Variants in LOC122539214 observed in about 807,000 individuals in gnomAD.
At chr19:52,662,413 G>A in the LOC122539214 span, among the ~76,000 whole-genome samples, 4 of 152,276 alleles carry the variant, frequency 2.6e-5, no homozygotes, top group Non-Finnish European at 4.4e-5. Context: ...AGAGCTCAGG[G>A]GAGAGGCCTG....
At chr19:52,665,600 A>G in the LOC122539214 span, among the ~76,000 whole-genome samples, 1 of 152,102 alleles carries the variant, frequency 6.6e-6, no homozygotes, top group Non-Finnish European at 1.5e-5. Flanking sequence ...CTCATAAAGC[A>G]ACCTTTTTTA....
the LOC122539214 span, among the ~76,000 whole-genome samples, chr19:52,671,630 G>A: frequency 1.3e-5 from 2 of 151,950 alleles, no homozygotes; most frequent in Non-Finnish European, 2.9e-5. Flanking sequence ...CTTTGTAGAG[G>A]GGTGGTCCCA....
the LOC122539214 span, among the ~76,000 whole-genome samples, chr19:52,680,718 T>C: frequency 4.3e-5 from 6 of 140,058 alleles, no homozygotes; most frequent in South Asian, 2.3e-4. Flanking sequence ...GTTCACGCCA[T>C]TCTCCTGCCT....
At chr19:52,678,713 C>A in the LOC122539214 span, among the ~76,000 whole-genome samples, 1,278 of 152,094 alleles carry the variant, frequency 8.4e-3, 21 homozygotes, top group Non-Finnish European at 0.013. Context: ...ATGGCTCATG[C>A]CTGTAATCCC....
the LOC122539214 span, among the ~76,000 whole-genome samples, chr19:52,656,208 GTCTC>G: frequency 9.7e-5 from 14 of 144,350 alleles, no homozygotes; most frequent in East Asian, 4.2e-4. Flanking sequence ...GTGAGACTCC[GTCTC>G]TCTCTCTCTC....
the LOC122539214 span, among the ~76,000 whole-genome samples, chr19:52,664,255 G>C: frequency 6.6e-6 from 1 of 151,790 alleles, no homozygotes; most frequent in East Asian, 1.9e-4. Flanking sequence ...CAAGACTTTG[G>C]GAGGCCGATG....
At chr19:52,676,536 TGGGA>T in the LOC122539214 span, among the ~76,000 whole-genome samples, 2 of 144,956 alleles carry the variant, frequency 1.4e-5, no homozygotes, top group African/African-American at 5.1e-5. Flanking sequence ...CCGCCCCGTC[TGGGA>T]GGGAGGTGGG....
chr19:52,652,642 TA>T, the LOC122539214 span: 1 of 508,772 alleles, frequency 2.0e-6, no homozygotes, highest in Non-Finnish European at 3.9e-6. Flanking sequence ...ACTACACTTG[TA>T]AGATCTCTCT....
the LOC122539214 span, among the ~76,000 whole-genome samples, chr19:52,682,674 CAAGAAA>C: frequency 0.2 from 29,462 of 149,570 alleles, 3,527 homozygotes; most frequent in East Asian, 0.51. Context: ...TCTCAAAAAA[CAAGAAA>C]AAGAAAAAGA....
the LOC122539214 span, among the ~76,000 whole-genome samples, chr19:52,676,554 C>T: frequency 1.3e-4 from 19 of 151,036 alleles, no homozygotes; most frequent in African/African-American, 2.4e-4. Flanking sequence ...AGGTGGGGGG[C>T]GCCTCTGCCC....
chr19:52,684,818 A>C, the LOC122539214 span, among the ~76,000 whole-genome samples: 2 of 152,180 alleles, frequency 1.3e-5, no homozygotes, highest in East Asian at 3.9e-4. Flanking sequence ...TGACTGGGGC[A>C]GAGGGAGTCA....
chr19:52,651,201 T>C, the LOC122539214 span: 1 of 152,224 alleles, frequency 6.6e-6, no homozygotes, highest in Non-Finnish European at 1.5e-5. Flanking sequence ...TCAGCAAAAT[T>C]CCATATGACC....
chr19:52,654,311 T>C, the LOC122539214 span: 14 of 1,488,478 alleles, frequency 9.4e-6, no homozygotes, highest in East Asian at 2.5e-4. Context: ...ATGTGATGAC[T>C]TTTATGTCTT....
chr19:52,678,161 T>C, the LOC122539214 span, among the ~76,000 whole-genome samples: 1 of 151,818 alleles, frequency 6.6e-6, no homozygotes, highest in Non-Finnish European at 1.5e-5. Flanking sequence ...ATATGAAAAT[T>C]AGAGGATAAG....
At chr19:52,673,553 A>G in the LOC122539214 span, among the ~76,000 whole-genome samples, 2 of 152,160 alleles carry the variant, frequency 1.3e-5, no homozygotes, top group African/African-American at 2.4e-5. Flanking sequence ...GAAAAAAAAT[A>G]TAGAAAGTCA....
the LOC122539214 span, among the ~76,000 whole-genome samples, chr19:52,689,391 T>C: frequency 3.3e-4 from 50 of 152,020 alleles, no homozygotes; most frequent in East Asian, 7.7e-4. Context: ...TGTTATACCC[T>C]CATCCCCACT....
chr19:52,654,329 TC>T, the LOC122539214 span: 14 of 1,424,016 alleles, frequency 9.8e-6, no homozygotes, highest in Non-Finnish European at 1.4e-5. Flanking sequence ...CTTTGCAATG[TC>T]CCTGTGTGGA....
chr19:52,689,443 TCTCC>T, the LOC122539214 span, among the ~76,000 whole-genome samples: 158 of 152,012 alleles, frequency 1.0e-3, no homozygotes, highest in Middle Eastern at 3.4e-3. Context: ...CTGCTGTGCT[TCTCC>T]CTCTGTTCTC....
chr19:52,676,745 A>G, the LOC122539214 span, among the ~76,000 whole-genome samples: 203 of 140,656 alleles, frequency 1.4e-3, 1 homozygote, highest in African/African-American at 3.5e-3. Flanking sequence ...TGTAGAAAGA[A>G]GTAGACATGG....
Sources: gnomAD v4.1 joint callset for allele counts (sites outside exome capture counted in the v4.1 genomes callset) on GRCh38, gnomAD v4.1.1 for gene constraint, MANE v1.5 for transcripts.